SAMSN1: variants seen among roughly 807,000 people sequenced by gnomAD.
SAMSN1 encodes the protein SAM domain-containing protein SAMSN-1.
SAMSN1 carries 31 observed loss-of-function variants against 42.0 expected under a neutral mutation model. That is an observed-to-expected ratio of 0.74 (90% CI 0.55 to 1.00). SAMSN1 has a LOEUF of 1.00. Ranked by LOEUF, SAMSN1 falls within the 50% of genes least tolerant of loss-of-function variation. The pLI is 0.00. For missense variants in SAMSN1, 464 were observed against 439.4 expected (o/e 1.06, Z -0.50); for synonymous variants, 178 against 151.9 (o/e 1.17, Z -1.26).
intron 2 of SAMSN1, among the ~76,000 whole-genome samples, chr21:14,566,561 A>C (rs1981126621): frequency 6.6e-6 from 1 of 151,900 alleles, no homozygotes; most frequent in Non-Finnish European, 1.5e-5. Context: ...TTTTTGAGAC[A>C]GGGTCTCACT....
intron 1 of SAMSN1, among the ~76,000 whole-genome samples, chr21:14,540,103 A>T (rs2123137667): frequency 6.6e-6 from 1 of 152,350 alleles, no homozygotes; most frequent in East Asian, 1.9e-4. Context: ...AGAAAGCTGA[A>T]ACTGGATCCC....
intron 6 of SAMSN1, among the ~76,000 whole-genome samples, chr21:14,499,252 T>C (rs1159659476): frequency 6.6e-6 from 1 of 152,186 alleles, no homozygotes. Context: ...TGAATCAATA[T>C]GTATTAGTTT....
At chr21:14,587,640 A>G (rs902389510), upstream of SAMSN1, among the ~76,000 whole-genome samples, 2 of 152,060 alleles carry the variant, frequency 1.3e-5, no homozygotes, top group African/African-American at 2.4e-5. Flanking sequence ...CTTATATGCT[A>G]ATGACTCCCA....
upstream of SAMSN1, among the ~76,000 whole-genome samples, chr21:14,547,738 T>C (rs182021221): frequency 2.4e-4 from 36 of 152,324 alleles, 1 homozygote; most frequent in African/African-American, 7.9e-4. Flanking sequence ...CAAATTTCAC[T>C]AATTTATTTA....
intron 1 of SAMSN1, among the ~76,000 whole-genome samples, chr21:14,532,797 T>A (rs1319107838): frequency 1.3e-5 from 2 of 151,844 alleles, no homozygotes; most frequent in Non-Finnish European, 2.9e-5. Context: ...AACATACAAA[T>A]CAAACAAAAG....
chr21:14,581,352 T>C (rs1286700306), intron 2 of SAMSN1, among the ~76,000 whole-genome samples: 1 of 77,726 alleles, frequency 1.3e-5, no homozygotes, highest in East Asian at 2.9e-4. Context: ...TTCTTTTTTT[T>C]TTTTTTTTTT....
intron 5 of SAMSN1, among the ~76,000 whole-genome samples, chr21:14,604,939 A>G (rs970498868): frequency 1.3e-5 from 2 of 152,226 alleles, no homozygotes; most frequent in East Asian, 1.9e-4. Flanking sequence ...TGAGCCTAAT[A>G]AGATGTTCTT....
intron 2 of SAMSN1, among the ~76,000 whole-genome samples, chr21:14,633,430 G>A (rs1983382684): frequency 6.6e-6 from 1 of 152,268 alleles, no homozygotes; most frequent in South Asian, 2.1e-4. Flanking sequence ...AAAACATCTG[G>A]TCTAACTCTG....
chr21:14,546,274 C>T lies in SAMSN1; in HGVS notation c.-13G>A, dbSNP rs914188624. ...TTCTCTTGAGCATTTTGAATTCTGA[C>T]TACTCCTAGTGAGTGCACTTTCTGC... On this transcript the variant is annotated 5_prime_UTR_variant, in exon 1 of 8. Coordinates refer to ENST00000400566, the MANE Select transcript of SAMSN1 (RefSeq NM_022136.5). 1 of 1,613,352 alleles carries T rather than the reference C, an allele frequency of 6.2e-7. No homozygotes were observed.
chr21:14,628,541 T>C (rs1983241608), intron 2 of SAMSN1, among the ~76,000 whole-genome samples: 1 of 152,150 alleles, frequency 6.6e-6, no homozygotes, highest in African/African-American at 2.4e-5. Context: ...CAACTGTATT[T>C]TCAAAACGAG....
At chr21:14,510,482 C>T (rs761210198) in intron 4 of SAMSN1, 21 bp from the exon 5 acceptor site, 54 of 1,613,644 alleles carry the variant, frequency 3.3e-5, no homozygotes, top group Non-Finnish European at 4.4e-5. Flanking sequence ...CAGAAGTTCA[C>T]AGTTGTCATG....
At chr21:14,616,683 T>A (rs1982845251) in intron 2 of SAMSN1, among the ~76,000 whole-genome samples, 1 of 152,174 alleles carries the variant, frequency 6.6e-6, no homozygotes, top group Admixed American at 6.5e-5. Context: ...CTCCTCCATT[T>A]AAAAAACATT....
intron 2 of SAMSN1, chr21:14,642,992 C>T (rs745485535): frequency 2.8e-6 from 2 of 716,912 alleles, no homozygotes; most frequent in South Asian, 3.0e-5. Flanking sequence ...CCAGTCAATG[C>T]TTCACTCACC....
intron 1 of SAMSN1, among the ~76,000 whole-genome samples, chr21:14,521,842 T>A (rs917475404): frequency 1.3e-5 from 2 of 151,060 alleles, no homozygotes; most frequent in African/African-American, 4.9e-5. Context: ...AACCTGTACA[T>A]CCTGTACATG....
intron 1 of SAMSN1, among the ~76,000 whole-genome samples, chr21:14,653,951 A>G (rs1983874520): frequency 6.6e-6 from 1 of 151,974 alleles, no homozygotes; most frequent in Non-Finnish European, 1.5e-5. Flanking sequence ...CAAGAAATTA[A>G]TATTAATGTT....
intron 1 of SAMSN1, among the ~76,000 whole-genome samples, chr21:14,582,736 C>T (rs1981783497): frequency 6.6e-6 from 1 of 151,968 alleles, no homozygotes; most frequent in East Asian, 1.9e-4. Flanking sequence ...TAAATTCTAT[C>T]TCACTGGAAA....
At chr21:14,581,335 A>C (rs1981711400) in intron 2 of SAMSN1, among the ~76,000 whole-genome samples, 1 of 66,966 alleles carries the variant, frequency 1.5e-5, no homozygotes, top group Non-Finnish European at 3.6e-5. Context: ...ATGAGGGGAA[A>C]TAATATTTCT....
chr21:14,558,369 C>T (rs970720066), intron 2 of SAMSN1, among the ~76,000 whole-genome samples: 5 of 151,670 alleles, frequency 3.3e-5, no homozygotes, highest in African/African-American at 1.2e-4. Context: ...ACGCATGCTA[C>T]GAACTATTTA....
rs554566169 is a variant in SAMSN1 at position 14,617,883 on chromosome 21, G to A, written c.157-1867C>T. 5.3e-5 allele frequency among the ~76,000 whole-genome samples: 8 copies of A among 152,260 alleles called. No individual in the cohort carries two copies. In the South Asian group the frequency reaches 1.0e-3, roughly 20 times the overall value. On this transcript the variant is annotated intron_variant, in intron 2 of 15. Transcript: ENST00000647101. Reference sequence around the variant, plus strand: ...TGAATTTGGAAAGAAGATGTATTACGCAAACATAGTCTCCTGTATCACCTG... The same window carrying A: ...TGAATTTGGAAAGAAGATGTATTACACAAACATAGTCTCCTGTATCACCTG...
Sources: gnomAD v4.1 joint callset for allele counts (sites outside exome capture counted in the v4.1 genomes callset) on GRCh38, gnomAD v4.1.1 for gene constraint, MANE v1.5 for transcripts, NCBI Gene and HGNC (gene_info 2026-07-23, HGNC 2026-07-21) for gene names.